The following PRKG1 variants were observed in gnomAD, a reference collection of about 807,000 sequenced individuals.
PRKG1 encodes the protein protein kinase cGMP-dependent 1.
Under a neutral mutation model 88.1 loss-of-function variants are expected in PRKG1, and 35 were observed. The observed-to-expected ratio is 0.40, with a 90% CI of 0.30 to 0.53. The LOEUF is 0.53. Ranked by LOEUF, PRKG1 falls within the 20% of genes least tolerant of loss-of-function variation. The pLI is 0.59. For synonymous variants in PRKG1, 303 were observed against 292.5 expected, an observed-to-expected ratio of 1.04 and a Z score of -0.37; for missense variants, 540 against 839.8, an observed-to-expected ratio of 0.64 and a Z score of 4.41.
chr10:51,020,282 A>G (rs1208315954), intron 1 of PRKG1, among the ~76,000 whole-genome samples: 1 of 152,162 alleles, frequency 6.6e-6, no homozygotes, highest in African/African-American at 2.4e-5. Context: ...GCATGTTGAG[A>G]TTACAGGCGT....
chr10:51,104,505 T>A (rs1844771169), intron 1 of PRKG1, among the ~76,000 whole-genome samples: 1 of 152,078 alleles, frequency 6.6e-6, no homozygotes, highest in Non-Finnish European at 1.5e-5. Context: ...TTTTGATGCT[T>A]CTGAATAAAG....
At chr10:52,244,884 A>C (rs1840981141) in intron 9 of PRKG1, among the ~76,000 whole-genome samples, 1 of 126,926 alleles carries the variant, frequency 7.9e-6, no homozygotes, top group African/African-American at 2.8e-5. Context: ...AAATATTTAA[A>C]TAATACTTTT....
At chr10:52,106,395 G>A (rs1847422640) in intron 7 of PRKG1, among the ~76,000 whole-genome samples, 1 of 152,132 alleles carries the variant, frequency 6.6e-6, no homozygotes, top group African/African-American at 2.4e-5. Flanking sequence ...TGCAAAATCT[G>A]TATTTTTACG....
At chr10:52,079,393 C>A (rs1033829072) in intron 7 of PRKG1, among the ~76,000 whole-genome samples, 1 of 152,092 alleles carries the variant, frequency 6.6e-6, no homozygotes, top group Admixed American at 6.6e-5. Context: ...ATTCCAGAGG[C>A]CCTCTTCTGC....
intron 3 of PRKG1, among the ~76,000 whole-genome samples, chr10:51,763,096 T>C (rs1838063432): frequency 1.3e-5 from 2 of 152,186 alleles, no homozygotes; most frequent in Admixed American, 6.5e-5. Flanking sequence ...ATAATCTATA[T>C]GATAATATGA....
intron 3 of PRKG1, among the ~76,000 whole-genome samples, chr10:51,564,851 G>A (rs948931968): frequency 1.3e-5 from 2 of 151,962 alleles, no homozygotes. Flanking sequence ...TTGTGAATTG[G>A]TTTTTCCAGG....
chr10:51,650,546 T>A (rs571337688), intron 3 of PRKG1, among the ~76,000 whole-genome samples: 1 of 152,338 alleles, frequency 6.6e-6, no homozygotes, highest in Non-Finnish European at 1.5e-5. Flanking sequence ...CAAACTATTA[T>A]CTTTGCCTTA....
intron 2 of PRKG1, among the ~76,000 whole-genome samples, chr10:51,428,196 A>G (rs911891418): frequency 1.2e-4 from 18 of 152,232 alleles, no homozygotes; most frequent in Admixed American, 3.3e-4. Context: ...TGCAACTGCT[A>G]AAATTGATGC....
At position 51,436,083 on chromosome 10, in the gene PRKG1, T is replaced by C. The variant is rs570375874; in HGVS notation, c.479-31640T>C. ...ACTACATGTGACTTTCAACAAGTAC[T>C]GTAACCTTTCTAGTCATGATTTATC... On this transcript the variant is annotated intron_variant, in intron 2 of 17. Coordinates refer to ENST00000373980, the MANE Select transcript of PRKG1 (RefSeq NM_006258.4). Among the ~76,000 whole-genome samples the C allele has an allele frequency of 1.5e-3, 228 of 152,084 alleles. 1 individual carries two copies. Among genetic ancestry groups the C allele is most frequent in the Non-Finnish European group, 2.8e-3 (192 of 67,948 alleles).
intron 2 of PRKG1, among the ~76,000 whole-genome samples, chr10:51,281,402 A>G (rs1230180456): frequency 6.6e-6 from 1 of 152,134 alleles, no homozygotes; most frequent in Non-Finnish European, 1.5e-5. Context: ...AGCAAATGGC[A>G]CAGGAGGAGA....
intron 4 of PRKG1, among the ~76,000 whole-genome samples, chr10:51,868,481 A>G (rs898790054): frequency 3.9e-5 from 6 of 152,102 alleles, no homozygotes; most frequent in African/African-American, 1.4e-4. Context: ...AAATATTACT[A>G]TTTTCTTAAA....
At position 51,521,471 on chromosome 10, in the gene PRKG1, C is replaced by A. The variant is rs571641250; in HGVS notation, c.592+53635C>A. The stretch of plus-strand genomic sequence containing the variant: ...TTTTGTGCATTGGATTTTGACTAAA[C>A]TGTTGGGCCACATGAGTTGTATTTA... On this transcript the variant is annotated intron_variant, in intron 3 of 17. Coordinates refer to ENST00000373980, the MANE Select transcript of PRKG1 (RefSeq NM_006258.4). 2.6e-5 allele frequency among the ~76,000 whole-genome samples: 4 copies of A among 152,264 alleles called. No homozygotes were observed. The South Asian group carries it at 8.3e-4, about 32-fold the overall frequency.
chr10:51,233,904 A>G (rs1343233930), intron 2 of PRKG1, among the ~76,000 whole-genome samples: 1 of 152,144 alleles, frequency 6.6e-6, no homozygotes, highest in Non-Finnish European at 1.5e-5. Flanking sequence ...GTGTCTTGTT[A>G]CATTCTTCTT....
At chr10:52,196,797 A>G (rs932022499) in intron 9 of PRKG1, among the ~76,000 whole-genome samples, 4 of 152,204 alleles carry the variant, frequency 2.6e-5, no homozygotes, top group South Asian at 4.1e-4. Flanking sequence ...AAAATATTTT[A>G]TATTATAAAA....
intron 3 of PRKG1, among the ~76,000 whole-genome samples, chr10:51,551,496 C>G (rs904220778): frequency 2.0e-5 from 3 of 151,668 alleles, no homozygotes; most frequent in Non-Finnish European, 3.0e-5. Context: ...TAAGAAAAAG[C>G]ATGAAGCTAT....
chr10:52,085,320 T>G (rs1846885112), intron 7 of PRKG1, among the ~76,000 whole-genome samples: 1 of 136,342 alleles, frequency 7.3e-6, no homozygotes, highest in African/African-American at 2.7e-5. Flanking sequence ...TCAGAAGAAA[T>G]ATTTTTAACA....
At chr10:51,222,532 G>A (rs1282580144) in intron 2 of PRKG1, among the ~76,000 whole-genome samples, 1 of 151,892 alleles carries the variant, frequency 6.6e-6, no homozygotes, top group East Asian at 1.9e-4. Flanking sequence ...TAGCAAAACC[G>A]CCTTACTTCA....
intron 3 of PRKG1, among the ~76,000 whole-genome samples, chr10:51,627,956 TTCTTTCTTTCTTTC>T (rs1210355663): frequency 3.7e-4 from 8 of 21,796 alleles, no homozygotes; most frequent in African/African-American, 6.2e-4. Context: ...CTTTCTTTCT[TTCTTTCTTTCTTTC>T]TCTTTCTTTC....
chr10:51,051,197 G>A (rs1249088082), intron 1 of PRKG1, among the ~76,000 whole-genome samples: 1 of 151,882 alleles, frequency 6.6e-6, no homozygotes, highest in Admixed American at 6.6e-5. Flanking sequence ...TGTTTTTGTT[G>A]CCTGTGCTTT....
Sources: allele counts gnomAD v4.1 joint callset (sites outside exome capture counted in the v4.1 genomes callset), GRCh38; gene constraint gnomAD v4.1.1; transcripts MANE v1.5; gene names NCBI Gene and HGNC (gene_info 2026-07-23, HGNC 2026-07-21).